RAB31: variants seen among roughly 807,000 people sequenced by gnomAD.
The protein encoded by RAB31 is RAB31, member RAS oncogene family.
A neutral mutation model predicts 25.6 loss-of-function variants in RAB31; 21 were observed. The observed-to-expected ratio is 0.82, with a 90% CI of 0.58 to 1.18. RAB31 has a LOEUF of 1.18. RAB31 is among the 50% of genes most tolerant of loss of function. RAB31 has a pLI of 0.00. For synonymous variants in RAB31, 87 were observed against 84.0 expected (o/e 1.04, Z -0.20); for missense variants, 196 against 250.1 (o/e 0.78, Z 1.46).
intron 3 of RAB31, among the ~76,000 whole-genome samples, chr18:9,812,687 CTATTTTT>C (rs781530732): frequency 8.9e-5 from 9 of 100,890 alleles, no homozygotes; most frequent in African/African-American, 1.9e-4. Context: ...CTCCAGGATA[CTATTTTT>C]TTTTTTTTTT....
chr18:9,759,892 G>A (rs1476825546), intron 1 of RAB31, among the ~76,000 whole-genome samples: 2 of 152,090 alleles, frequency 1.3e-5, no homozygotes, highest in African/African-American at 4.8e-5. Context: ...GAGTTATCAG[G>A]ATTGTGTCCA....
chr18:9,736,356 C>CT (rs1286861684), intron 1 of RAB31, among the ~76,000 whole-genome samples: 2 of 152,200 alleles, frequency 1.3e-5, no homozygotes, highest in Non-Finnish European at 2.9e-5. Flanking sequence ...ACTTTTGCTG[C>CT]TGATCTTATT....
intron 3 of RAB31, among the ~76,000 whole-genome samples, chr18:9,798,821 T>TG (rs2068499784): frequency 6.6e-6 from 1 of 151,616 alleles, no homozygotes; most frequent in South Asian, 2.1e-4. Context: ...CAGACACAGT[T>TG]GCTCACGCCT....
chr18:9,832,604 G>T (rs1287477789), intron 5 of RAB31, among the ~76,000 whole-genome samples: 1 of 152,228 alleles, frequency 6.6e-6, no homozygotes, highest in African/African-American at 2.4e-5. Flanking sequence ...GGAGTGAAGT[G>T]CAGACCTTCC....
chr18:9,750,976 A>C (rs1436421546), intron 1 of RAB31, among the ~76,000 whole-genome samples: 1 of 152,176 alleles, frequency 6.6e-6, no homozygotes, highest in African/African-American at 2.4e-5. Context: ...TCCTGGAACG[A>C]GGCATCATCT....
At chr18:9,830,099 C>T (rs1467432993) in intron 5 of RAB31, among the ~76,000 whole-genome samples, 2 of 151,696 alleles carry the variant, frequency 1.3e-5, no homozygotes, top group African/African-American at 2.4e-5. Flanking sequence ...CTCCTGGGCT[C>T]AAGCAATCCT....
chr18:9,834,548 C>T (rs926235124), intron 5 of RAB31, among the ~76,000 whole-genome samples: 15 of 152,192 alleles, frequency 9.9e-5, no homozygotes, highest in African/African-American at 3.6e-4. Flanking sequence ...CAATAAATTT[C>T]TTCTGGGGTT....
chr18:9,815,266 T>A, intron 5 of RAB31, 44 bp downstream of exon 5: 1 of 1,281,234 alleles, frequency 7.8e-7, no homozygotes, highest in Non-Finnish European at 1.1e-6. Flanking sequence ...CTGTCCTCCA[T>A]CCCTGAGTGT....
intron 5 of RAB31, among the ~76,000 whole-genome samples, chr18:9,818,314 A>G (rs945673483): frequency 2.6e-5 from 4 of 152,202 alleles, no homozygotes; most frequent in Non-Finnish European, 5.9e-5. Flanking sequence ...CTCATATCTA[A>G]TTTTAGAACA....
At chr18:9,785,437 C>T (rs1599037528) in intron 2 of RAB31, among the ~76,000 whole-genome samples, 1 of 152,174 alleles carries the variant, frequency 6.6e-6, no homozygotes, top group South Asian at 2.1e-4. Context: ...CAGCTTTCAT[C>T]TGGTAGGGTG....
chr18:9,710,187 C>T lies in RAB31; in HGVS notation c.39+1743C>T, dbSNP rs534799976. On this transcript the variant is annotated intron_variant, in intron 1 of 6. Transcript: ENST00000578921. ...TGTGTCAAGAGGCAGGAAACCTAGG[C>T]TCTCGTTCTTTCCCACCAAAGAGCT... 2.0e-5 allele frequency among the ~76,000 whole-genome samples: 3 copies of T among 152,258 alleles called. No homozygotes were observed. In the East Asian group the frequency reaches 5.8e-4, roughly 29 times the overall value.
intron 1 of RAB31, among the ~76,000 whole-genome samples, chr18:9,742,302 C>T (rs2068183813): frequency 6.6e-6 from 1 of 152,194 alleles, no homozygotes. Context: ...CTACTGCTTC[C>T]TACTGAAGAG....
At chr18:9,756,521 C>T (rs998598153) in intron 1 of RAB31, among the ~76,000 whole-genome samples, 1 of 148,322 alleles carries the variant, frequency 6.7e-6, no homozygotes, top group East Asian at 1.9e-4. Flanking sequence ...GCTTGGCAGT[C>T]GGCAAAGCCT....
At chr18:9,754,811 A>G (rs1408752795) in intron 1 of RAB31, among the ~76,000 whole-genome samples, 1 of 152,196 alleles carries the variant, frequency 6.6e-6, no homozygotes, top group Admixed American at 6.5e-5. Flanking sequence ...CCGAGGGACA[A>G]CTGTATGTAC....
chr18:9,731,128 A>C (rs1170160840), intron 1 of RAB31, among the ~76,000 whole-genome samples: 1 of 152,034 alleles, frequency 6.6e-6, no homozygotes. Context: ...TTTGTTTTTG[A>C]GATGGGGGTT....
Position 9,808,054 on chromosome 18 carries a change from C to T in RAB31, c.202-5966C>T, listed in dbSNP as rs118169552. On this transcript the variant is annotated intron_variant, in intron 3 of 6. Coordinates refer to ENST00000578921, the MANE Select transcript of RAB31 (RefSeq NM_006868.4). ...AAAGATGTTTGGATTTGTGTTGTGT[C>T]ATTTTCTGCTAAATGAGGCTTGCAG... Among the ~76,000 whole-genome samples, 647 of 152,278 alleles carry T rather than the reference C, an allele frequency of 4.2e-3. 2 individuals carry two copies. The highest frequency in any genetic ancestry group is 6.2e-3 in the Non-Finnish European group (421 of 68,022).
chr18:9,810,132 T>G (rs945083521), intron 3 of RAB31, among the ~76,000 whole-genome samples: 2 of 152,226 alleles, frequency 1.3e-5, no homozygotes, highest in Admixed American at 1.3e-4. Flanking sequence ...ATCTGAAAAA[T>G]TTCTCAACAT....
At chr18:9,806,335 C>T (rs910645313) in intron 3 of RAB31, among the ~76,000 whole-genome samples, 1 of 152,156 alleles carries the variant, frequency 6.6e-6, no homozygotes, top group Non-Finnish European at 1.5e-5. Flanking sequence ...AAATATTTGT[C>T]GAGTCCTTGC....
chr18:9,860,016 G>A lies in RAB31; in HGVS notation c.*691G>A, dbSNP rs941693667. 3.3e-5 allele frequency: 5 copies of A among 152,128 alleles called. No homozygotes were observed. Among genetic ancestry groups the A allele is most frequent in the African/African-American group, 1.2e-4 (5 of 41,420 alleles). The allele number at this position is 152,128 out of a possible 1,614,324, so 9.4% of individuals were successfully genotyped here. ...AACTAAATTACTGCATATAATTTTG[G>A]GATTGGGTGGCCTAGTTTGAAAGAG... On this transcript the variant is annotated 3_prime_UTR_variant, in exon 7 of 7. Coordinates refer to ENST00000578921, the MANE Select transcript of RAB31 (RefSeq NM_006868.4).
Sources: allele counts gnomAD v4.1 joint callset (sites outside exome capture counted in the v4.1 genomes callset), GRCh38; gene constraint gnomAD v4.1.1; transcripts MANE v1.5; gene names NCBI Gene and HGNC (gene_info 2026-07-23, HGNC 2026-07-21).